The following PRICKLE2 variants were observed in gnomAD, a reference collection of about 807,000 sequenced individuals.
PRICKLE2 encodes the protein prickle planar cell polarity protein 2, also known as prickle-like protein 2.
A neutral mutation model predicts 81.4 loss-of-function variants in PRICKLE2; 21 were observed. That is an observed-to-expected ratio of 0.26 (90% CI 0.18 to 0.37). The LOEUF (loss-of-function observed/expected upper bound fraction) is 0.37. PRICKLE2 is among the 10% of genes least tolerant of loss of function. PRICKLE2 has a pLI of 1.00. For missense variants in PRICKLE2, 940 were observed against 1,109.0 expected (o/e 0.85, Z 2.16); for synonymous variants, 456 against 421.5 (o/e 1.08, Z -1.00).
chr3:64,119,595 A>C (rs1356392458), intron 7 of PRICKLE2, among the ~76,000 whole-genome samples: 3 of 152,182 alleles, frequency 2.0e-5, no homozygotes, highest in Non-Finnish European at 2.9e-5. Flanking sequence ...GAGAACACTT[A>C]TGTACGATTG....
chr3:64,212,152 G>C (rs896746107), intron 1 of PRICKLE2, among the ~76,000 whole-genome samples: 2 of 152,164 alleles, frequency 1.3e-5, no homozygotes, highest in Non-Finnish European at 2.9e-5. Context: ...CCACATCACT[G>C]TATCCCTGTG....
chr3:64,213,585 G>A (rs1279891138), intron 1 of PRICKLE2, among the ~76,000 whole-genome samples: 1 of 152,178 alleles, frequency 6.6e-6, no homozygotes, highest in East Asian at 1.9e-4. Context: ...GCCAAGTACT[G>A]TGGTTACTAC....
intron 4 of PRICKLE2, among the ~76,000 whole-genome samples, chr3:64,158,632 C>G (rs2077677845): frequency 6.6e-6 from 1 of 152,220 alleles, no homozygotes; most frequent in South Asian, 2.1e-4. Flanking sequence ...TAGGCAAACT[C>G]AGCTTGCCTG....
chr3:64,217,941 A>G (rs1361576936), intron 1 of PRICKLE2, among the ~76,000 whole-genome samples: 6 of 152,226 alleles, frequency 3.9e-5, no homozygotes, highest in Admixed American at 2.6e-4. Context: ...GCTTCCTTAC[A>G]AAATAGGATC....
chr3:64,148,090 A>G (rs568755844), intron 6 of PRICKLE2, among the ~76,000 whole-genome samples: 1 of 152,302 alleles, frequency 6.6e-6, no homozygotes, highest in African/African-American at 2.4e-5. Context: ...TTCTAATATT[A>G]TTTGCAGTTT....
intron 2 of PRICKLE2, among the ~76,000 whole-genome samples, chr3:64,167,453 G>A (rs1270598556): frequency 1.3e-5 from 2 of 152,284 alleles, no homozygotes; most frequent in East Asian, 3.9e-4. Context: ...CAATAAACTG[G>A]CTTATGAAAA....
chr3:64,173,330 T>C (rs1488726369), intron 2 of PRICKLE2, among the ~76,000 whole-genome samples: 1 of 152,172 alleles, frequency 6.6e-6, no homozygotes, highest in Non-Finnish European at 1.5e-5. Flanking sequence ...GGAAGAGCTA[T>C]ACATAGCATA....
At chr3:64,208,261 C>T (rs1373325616) in intron 1 of PRICKLE2, among the ~76,000 whole-genome samples, 4 of 152,138 alleles carry the variant, frequency 2.6e-5, no homozygotes, top group Admixed American at 1.3e-4. Context: ...GGTCTGCCTG[C>T]CCTAAGATAT....
chr3:64,143,570 T>C (rs1295751189), intron 7 of PRICKLE2, among the ~76,000 whole-genome samples: 1 of 152,106 alleles, frequency 6.6e-6, no homozygotes, highest in Non-Finnish European at 1.5e-5. Flanking sequence ...AGCCACAACG[T>C]GAGGATGATA....
intron 7 of PRICKLE2, among the ~76,000 whole-genome samples, chr3:64,126,212 A>G (rs1461806807): frequency 1.3e-5 from 2 of 152,206 alleles, no homozygotes; most frequent in Non-Finnish European, 2.9e-5. Context: ...TCTGGGGCTG[A>G]AACAGTCTGG....
At chr3:64,131,236 T>C (rs2077192282) in intron 7 of PRICKLE2, among the ~76,000 whole-genome samples, 1 of 152,134 alleles carries the variant, frequency 6.6e-6, no homozygotes, top group Non-Finnish European at 1.5e-5. Context: ...TTCCCCCCAA[T>C]AATGGAAACT....
rs923402133 is a variant in PRICKLE2 at position 64,097,874 on chromosome 3, T to A, written c.*1177A>T. On this transcript the variant is annotated 3_prime_UTR_variant, in exon 8 of 8. Coordinates refer to ENST00000638394, the MANE Select transcript of PRICKLE2 (RefSeq NM_198859.4). The stretch of plus-strand genomic sequence containing the variant: ...TCTCCTTTAACTTCTACCCTTGACC[T>A]GCCTTCTGTTTTCAAATAGCCTTGT... 6.5e-6 allele frequency: 1 copy of A among 152,742 alleles called. No homozygotes were observed. The highest frequency in any genetic ancestry group is 1.5e-5 in the Non-Finnish European group (1 of 68,114). The allele number at this position is 152,742 out of a possible 1,614,324, so 9.5% of individuals were successfully genotyped here.
intron 2 of PRICKLE2, among the ~76,000 whole-genome samples, chr3:64,251,360 C>T (rs572259664): frequency 6.6e-6 from 1 of 152,286 alleles, no homozygotes; most frequent in African/African-American, 2.4e-5. Flanking sequence ...CTGGCAGTTC[C>T]CACTCTGCCA....
chr3:64,117,641 C>T (rs2076957739), intron 7 of PRICKLE2, among the ~76,000 whole-genome samples: 1 of 152,116 alleles, frequency 6.6e-6, no homozygotes, highest in Non-Finnish European at 1.5e-5. Context: ...ATACAGCTGA[C>T]TAGGGAGGTG....
chr3:64,100,129 T>G (rs2076634161), intron 7 of PRICKLE2: 1 of 591,216 alleles, frequency 1.7e-6, no homozygotes. Context: ...AGGGGGCACT[T>G]ACTTAAAATG....
intron 2 of PRICKLE2, among the ~76,000 whole-genome samples, chr3:64,235,823 C>T (rs1264540804): frequency 6.6e-6 from 1 of 152,136 alleles, no homozygotes; most frequent in Non-Finnish European, 1.5e-5. Context: ...CTGCCCCTCC[C>T]AGTGTGAAAG....
At chr3:64,171,924 T>C (rs1261206130) in intron 2 of PRICKLE2, among the ~76,000 whole-genome samples, 1 of 152,226 alleles carries the variant, frequency 6.6e-6, no homozygotes, top group Non-Finnish European at 1.5e-5. Context: ...AGAGAATTTC[T>C]TTCAAGTTGA....
At chr3:64,159,285 G>A (rs2077691056) in intron 4 of PRICKLE2, among the ~76,000 whole-genome samples, 1 of 152,218 alleles carries the variant, frequency 6.6e-6, no homozygotes, top group African/African-American at 2.4e-5. Flanking sequence ...ATTCTCAGGA[G>A]AAGATCATTT....
At chr3:64,184,608 G>A (rs2078188556) in intron 2 of PRICKLE2, among the ~76,000 whole-genome samples, 1 of 151,840 alleles carries the variant, frequency 6.6e-6, no homozygotes, top group African/African-American at 2.4e-5. Flanking sequence ...TGAATGGCTG[G>A]GGCTACAGGC....
Sources: allele counts gnomAD v4.1 joint callset (sites outside exome capture counted in the v4.1 genomes callset), GRCh38; gene constraint gnomAD v4.1.1; transcripts MANE v1.5; gene names NCBI Gene and HGNC (gene_info 2026-07-23, HGNC 2026-07-21).